The following LMBR1 variants were observed in gnomAD, a reference collection of about 807,000 sequenced individuals.
LMBR1 encodes the protein limb region 1 protein homolog.
Under a neutral mutation model 73.9 loss-of-function variants are expected in LMBR1, and 52 were observed. The observed-to-expected ratio is 0.70, with a 90% CI of 0.56 to 0.89. The LOEUF is 0.89. Ranked by LOEUF, LMBR1 falls within the 40% of genes least tolerant of loss-of-function variation. The pLI is 0.00. For missense variants in LMBR1, 539 were observed against 579.8 expected, an observed-to-expected ratio of 0.93 and a Z score of 0.72; for synonymous variants, 215 against 209.4, an observed-to-expected ratio of 1.03 and a Z score of -0.23.
chr7:156,736,425 G>A (rs780954637), intron 9 of LMBR1: 7 of 432,296 alleles, frequency 1.6e-5, no homozygotes, highest in Non-Finnish European at 2.8e-5. Flanking sequence ...CTACTTAAGT[G>A]ATTTTTTTAA....
At chr7:156,799,138 GT>G (rs1830519898) in intron 4 of LMBR1, among the ~76,000 whole-genome samples, 1 of 151,520 alleles carries the variant, frequency 6.6e-6, no homozygotes, top group Admixed American at 6.6e-5. Context: ...GCAGGCAGAG[GT>G]TGCAGTGAGC....
chr7:156,777,266 CT>C, intron 5 of LMBR1, among the ~76,000 whole-genome samples: 1 of 152,294 alleles, frequency 6.6e-6, no homozygotes, highest in East Asian at 1.9e-4. Context: ...GTTTTCCTTT[CT>C]TTTTTATCTA....
chr7:156,819,562 T>C (rs774406849), intron 4 of LMBR1, among the ~76,000 whole-genome samples: 10 of 152,204 alleles, frequency 6.6e-5, no homozygotes, highest in South Asian at 2.1e-4. Flanking sequence ...TCTGAACATT[T>C]TCTGAGTACT....
intron 4 of LMBR1, among the ~76,000 whole-genome samples, chr7:156,808,721 A>G (rs1005049405): frequency 3.3e-5 from 5 of 152,096 alleles, no homozygotes; most frequent in African/African-American, 2.4e-5. Context: ...CTTATTCACT[A>G]TATCTCTGTT....
chr7:156,870,091 A>G (rs1203225887), intron 1 of LMBR1, among the ~76,000 whole-genome samples: 1 of 152,208 alleles, frequency 6.6e-6, no homozygotes, highest in Non-Finnish European at 1.5e-5. Flanking sequence ...AACTAAAGGG[A>G]GAAATAAACG....
Position 156,686,383 on chromosome 7 carries a change from C to CA in LMBR1, c.1387+1646dup, listed in dbSNP as rs199733420. ...AGTAGCAGAGGGGAAAAAATCTCTA[C>CA]AAAAAAAAAGAAAGAAAGGGGATAG... On this transcript the variant is annotated intron_variant, in intron 16 of 16. Coordinates refer to ENST00000353442, the MANE Select transcript of LMBR1 (RefSeq NM_022458.4). Among the ~76,000 whole-genome samples, 136 of 149,896 alleles carry CA rather than the reference C, an allele frequency of 9.1e-4. 1 individual carries two copies. Among genetic ancestry groups the CA allele is most frequent in the African/African-American group, 3.1e-3 (125 of 40,882 alleles).
chr7:156,854,873 G>A (rs1303373355), intron 1 of LMBR1, among the ~76,000 whole-genome samples: 1 of 152,102 alleles, frequency 6.6e-6, no homozygotes, highest in Non-Finnish European at 1.5e-5. Flanking sequence ...CAACAGAAGA[G>A]ATAAAAACAA....
intron 4 of LMBR1, among the ~76,000 whole-genome samples, chr7:156,800,492 AAAAAAAAAGATTTTC>A (rs1457133275): frequency 2.6e-5 from 4 of 151,748 alleles, no homozygotes; most frequent in Admixed American, 6.6e-5. Flanking sequence ...CAAAAAAAAA[AAAAAAAAAGATTTTC>A]AAAATACTAC....
At chr7:156,873,224 G>A (rs62492668) in intron 1 of LMBR1, among the ~76,000 whole-genome samples, 3,087 of 151,608 alleles carry the variant, frequency 0.02, 45 homozygotes, top group Middle Eastern at 0.051. Context: ...TCGTGGTCTC[G>A]CTGGCTCAGG....
In LMBR1 at chr7:156,763,792, T is replaced by G. The variant is rs777915846; in HGVS notation, c.427A>C (p.Ile143Leu). Residue 143 changes from isoleucine (I) to leucine (L), a missense_variant, in exon 6 of 17, where the codon ATC becomes CTC. Ile to Leu is a conservative substitution (Grantham distance 5). Coordinates refer to ENST00000353442, the MANE Select transcript of LMBR1 (RefSeq NM_022458.4). ...SEGFAGLKKG[I>L]RARILETLVM... ...AAAGTCTCTAAAATGCGGGCTCGGATTCCCTGAAAAATAGAGTAGAAATAT... is the reference window on the plus strand; with the variant it reads ...AAAGTCTCTAAAATGCGGGCTCGGAGTCCCTGAAAAATAGAGTAGAAATAT... 6.3e-7 allele frequency: 1 copy of G among 1,586,944 alleles called. No homozygotes were observed. Among genetic ancestry groups the G allele is most frequent in the East Asian group, 2.3e-5 (1 of 43,546 alleles).
Position 156,778,138 on chromosome 7 carries a change from T to C in LMBR1, c.424-14343A>G, listed in dbSNP as rs182934400. Among the ~76,000 whole-genome samples the C allele has an allele frequency of 5.5e-3, 835 of 152,356 alleles. 5 individuals carry two copies. The highest frequency in any genetic ancestry group is 9.4e-3 in the Non-Finnish European group (637 of 68,024). ...GAAACATTTAGCCAAAAGAACTCTC[T>C]GTAGTCAATCATATAAATTGTTCAA... On this transcript the variant is annotated intron_variant, in intron 5 of 16. Coordinates refer to ENST00000353442, the MANE Select transcript of LMBR1 (RefSeq NM_022458.4).
At chr7:156,760,082 C>G (rs1222536285) in intron 8 of LMBR1, among the ~76,000 whole-genome samples, 1 of 152,082 alleles carries the variant, frequency 6.6e-6, no homozygotes, top group East Asian at 1.9e-4. Flanking sequence ...AGCAGGTGAC[C>G]AGCGAACAGA....
chr7:156,762,346 T>C (rs568863198), intron 7 of LMBR1, 148 bp from the exon 8 acceptor site: 48 of 598,876 alleles, frequency 8.0e-5, no homozygotes, highest in Admixed American at 6.5e-4. Context: ...CAGTGTTTTG[T>C]CAGAGAACTC....
chr7:156,760,007 A>G (rs916616637), intron 8 of LMBR1, among the ~76,000 whole-genome samples: 3 of 152,196 alleles, frequency 2.0e-5, no homozygotes, highest in African/African-American at 7.2e-5. Flanking sequence ...AAGATGACTT[A>G]GGTCAAAGCA....
intron 10 of LMBR1, among the ~76,000 whole-genome samples, chr7:156,730,838 G>A (rs1229163625): frequency 6.6e-6 from 1 of 152,158 alleles, no homozygotes; most frequent in East Asian, 1.9e-4. Flanking sequence ...TCGGGAGGCT[G>A]AGGCAAGAGA....
chr7:156,875,226 GAATT>G (rs1799976903), intron 1 of LMBR1, among the ~76,000 whole-genome samples: 3 of 152,032 alleles, frequency 2.0e-5, no homozygotes, highest in Non-Finnish European at 4.4e-5. Context: ...GAAGCTTTTT[GAATT>G]AACCCAAGCC....
chr7:156,834,324 G>A (rs1470949706), intron 2 of LMBR1, among the ~76,000 whole-genome samples: 1 of 152,052 alleles, frequency 6.6e-6, no homozygotes, highest in Admixed American at 6.5e-5. Context: ...AAATTGGCTG[G>A]GCGCAATGGC....
intron 1 of LMBR1, among the ~76,000 whole-genome samples, chr7:156,842,122 G>C (rs980686992): frequency 6.6e-6 from 1 of 150,898 alleles, no homozygotes; most frequent in African/African-American, 2.4e-5. Flanking sequence ...TATTTCCTCA[G>C]TGCAACAGAA....
intron 2 of LMBR1, among the ~76,000 whole-genome samples, chr7:156,835,809 C>A (rs1489635529): frequency 6.6e-6 from 1 of 152,116 alleles, no homozygotes; most frequent in Non-Finnish European, 1.5e-5. Flanking sequence ...ATCACTCTCC[C>A]ACCACTCCTG....
Sources: gnomAD v4.1 joint callset for allele counts (sites outside exome capture counted in the v4.1 genomes callset) on GRCh38, gnomAD v4.1.1 for gene constraint, MANE v1.5 for transcripts, NCBI Gene and HGNC (gene_info 2026-07-23, HGNC 2026-07-21) for gene names.